DNM3: variants seen among roughly 807,000 people sequenced by gnomAD.
DNM3 encodes dynamin 3, also known as dynamin-3.
DNM3 carries 47 observed loss-of-function variants against 101.6 expected under a neutral mutation model. That is an observed-to-expected ratio of 0.46 (90% CI 0.37 to 0.59). DNM3 has a LOEUF of 0.59. DNM3 is among the 20% of genes least tolerant of loss of function. The probability of loss-of-function intolerance (pLI) is 0.00; values close to 1 mark genes in which losing one functional copy is unlikely to be tolerated. For synonymous variants in DNM3, 385 were observed against 387.9 expected, an observed-to-expected ratio of 0.99 and a Z score of 0.09; for missense variants, 849 against 1,085.7, an observed-to-expected ratio of 0.78 and a Z score of 3.06.
chr1:172,008,182 G>T (rs2046826134), intron 4 of DNM3, among the ~76,000 whole-genome samples: 1 of 151,410 alleles, frequency 6.6e-6, no homozygotes, highest in African/African-American at 2.4e-5. Context: ...GTTTCCTCCG[G>T]TATGCAGAAG....
chr1:171,870,151 G>T (rs1026143768), intron 1 of DNM3, among the ~76,000 whole-genome samples: 1 of 152,130 alleles, frequency 6.6e-6, no homozygotes, highest in Non-Finnish European at 1.5e-5. Flanking sequence ...TAGCACGTTT[G>T]CTATTACATT....
chr1:171,877,021 G>C (rs760611748), intron 1 of DNM3, among the ~76,000 whole-genome samples: 3 of 152,052 alleles, frequency 2.0e-5, no homozygotes, highest in Non-Finnish European at 4.4e-5. Flanking sequence ...TTTTTCATCT[G>C]TGGGCCCACA....
intron 13 of DNM3, among the ~76,000 whole-genome samples, chr1:172,113,377 G>A (rs2147961092): frequency 6.6e-6 from 1 of 151,730 alleles, no homozygotes; most frequent in South Asian, 2.1e-4. Context: ...TACAATTGAG[G>A]AACAGATGTA....
chr1:171,942,767 A>G (rs533419851), intron 2 of DNM3, among the ~76,000 whole-genome samples: 2 of 152,286 alleles, frequency 1.3e-5, no homozygotes, highest in South Asian at 2.1e-4. Flanking sequence ...CTGGAGCTGA[A>G]AGGGTGATCC....
chr1:172,088,949 T>C (rs1024934060), intron 12 of DNM3, among the ~76,000 whole-genome samples: 1 of 152,260 alleles, frequency 6.6e-6, no homozygotes, highest in African/African-American at 2.4e-5. Flanking sequence ...CTTCTTGTTA[T>C]ATACTTTTAG....
At chr1:172,317,550 A>G (rs2065446914) in intron 16 of DNM3, among the ~76,000 whole-genome samples, 1 of 152,206 alleles carries the variant, frequency 6.6e-6, no homozygotes, top group South Asian at 2.1e-4. Context: ...AAAATGATAA[A>G]GGGGATATCA....
In DNM3 at chr1:172,355,878, A is replaced by T. The variant is rs975562092; in HGVS notation, c.1894-23140A>T. 7.9e-5 allele frequency among the ~76,000 whole-genome samples: 12 copies of T among 152,236 alleles called. No individual in the cohort carries two copies. The East Asian group carries it at 1.9e-3, about 25-fold the overall frequency. On this transcript the variant is annotated intron_variant, in intron 17 of 20. Transcript: ENST00000627582. ...ACTGATGAAAGTCATGAATTCTAAG[A>T]TCTAGGAAGACCACAGATAACATCC...
At chr1:172,366,831 A>G (rs1420646364) in intron 17 of DNM3, among the ~76,000 whole-genome samples, 1 of 151,882 alleles carries the variant, frequency 6.6e-6, no homozygotes, top group Admixed American at 6.6e-5. Context: ...CAGTCAGAAA[A>G]AAAGAAAAAT....
intron 17 of DNM3, among the ~76,000 whole-genome samples, chr1:172,360,789 A>C (rs1203113239): frequency 6.6e-6 from 1 of 151,976 alleles, no homozygotes; most frequent in Admixed American, 6.6e-5. Flanking sequence ...TCATCTTATA[A>C]TTCTGTTTAC....
At chr1:172,366,674 C>T (rs1050293224) in intron 17 of DNM3, 1 of 151,672 alleles carries the variant, frequency 6.6e-6, no homozygotes, top group Non-Finnish European at 1.5e-5. Flanking sequence ...TAAAGAGATA[C>T]ATATTATAAA....
At chr1:172,204,770 T>C (rs1239808087) in intron 14 of DNM3, among the ~76,000 whole-genome samples, 1 of 152,226 alleles carries the variant, frequency 6.6e-6, no homozygotes, top group South Asian at 2.1e-4. Flanking sequence ...ACCACATGCT[T>C]ACCATAATGT....
intron 4 of DNM3, among the ~76,000 whole-genome samples, chr1:171,996,495 C>T (rs2046005149): frequency 6.6e-6 from 1 of 152,016 alleles, no homozygotes; most frequent in Non-Finnish European, 1.5e-5. Flanking sequence ...ATAGCCCCTC[C>T]TCTCCTCCTC....
intron 2 of DNM3, among the ~76,000 whole-genome samples, chr1:171,939,058 C>A (rs963101196): frequency 6.6e-6 from 1 of 151,140 alleles, no homozygotes; most frequent in Non-Finnish European, 1.5e-5. Flanking sequence ...TATTTTTAAC[C>A]CACTTTCTTT....
At chr1:171,989,182 A>G in intron 4 of DNM3, 34 bp downstream of exon 4, 2 of 1,590,426 alleles carry the variant, frequency 1.3e-6, no homozygotes, top group Non-Finnish European at 1.7e-6. Flanking sequence ...AGAAGGAATT[A>G]AAGTGTCAGG....
chr1:171,961,176 G>T (rs75272981), intron 2 of DNM3, among the ~76,000 whole-genome samples: 1,672 of 152,176 alleles, frequency 0.011, 13 homozygotes, highest in Non-Finnish European at 0.015. Flanking sequence ...AGATGGATGC[G>T]ATGGAGGGAT....
At chr1:171,877,272 T>C (rs1364511177) in intron 1 of DNM3, among the ~76,000 whole-genome samples, 1 of 152,226 alleles carries the variant, frequency 6.6e-6, no homozygotes, top group Non-Finnish European at 1.5e-5. Context: ...TAAAGAATAT[T>C]TTAAACCCAA....
intron 15 of DNM3, among the ~76,000 whole-genome samples, chr1:172,277,223 A>T (rs1234962529): frequency 6.6e-6 from 1 of 152,030 alleles, no homozygotes; most frequent in Non-Finnish European, 1.5e-5. Flanking sequence ...AATTTTCTAG[A>T]TTTCTAGGAC....
chr1:172,192,960 C>T (rs1402272359), intron 14 of DNM3, among the ~76,000 whole-genome samples: 2 of 151,348 alleles, frequency 1.3e-5, no homozygotes, highest in South Asian at 2.1e-4. Flanking sequence ...ACACTGACTT[C>T]CACAATGGTT....
chr1:172,200,631 A>G (rs879213065), intron 14 of DNM3, among the ~76,000 whole-genome samples: 1 of 151,146 alleles, frequency 6.6e-6, no homozygotes, highest in African/African-American at 2.4e-5. Flanking sequence ...TTTTTTTCTG[A>G]TTGTCTTATT....
Sources: allele counts gnomAD v4.1 joint callset (sites outside exome capture counted in the v4.1 genomes callset), GRCh38; gene constraint gnomAD v4.1.1; transcripts MANE v1.5; gene names NCBI Gene and HGNC (gene_info 2026-07-23, HGNC 2026-07-21).